JHY: variants seen among roughly 807,000 people sequenced by gnomAD.
JHY encodes jhy protein homolog.
Under a neutral mutation model 78.0 loss-of-function variants are expected in JHY, and 69 were observed. The observed-to-expected ratio is 0.88, with a 90% confidence interval of 0.73 to 1.08. The LOEUF (loss-of-function observed/expected upper bound fraction) is 1.08. Among genes scored for constraint, JHY ranks in the 50% least tolerant of loss-of-function variants. The pLI, the probability that JHY is intolerant of heterozygous loss-of-function variation, is 0.00. For synonymous variants in JHY, 368 were observed against 342.6 expected (o/e 1.07, Z -0.82); for missense variants, 944 against 927.8 (o/e 1.02, Z -0.23).
intron 6 of JHY, among the ~76,000 whole-genome samples, chr11:122,950,921 C>T (rs1864072482): frequency 6.6e-6 from 1 of 152,222 alleles, no homozygotes; most frequent in Non-Finnish European, 1.5e-5. Flanking sequence ...ATGTTACAAT[C>T]TGTATATCCA....
chr11:122,897,767 G>A (rs1341626439), intron 2 of JHY, among the ~76,000 whole-genome samples: 2 of 152,222 alleles, frequency 1.3e-5, no homozygotes, highest in Admixed American at 6.5e-5. Context: ...AGTCATGACT[G>A]TAGAAACTAT....
chr11:122,886,302 G>A (rs970260188), intron 2 of JHY, 109 bp downstream of exon 2: 15 of 1,045,612 alleles, frequency 1.4e-5, no homozygotes, highest in East Asian at 7.8e-5. Context: ...AATGAGCGCC[G>A]TGTGTGAGAC....
chr11:122,905,277 C>T, intron 3 of JHY: 1 of 1,613,134 alleles, frequency 6.2e-7, no homozygotes, highest in Non-Finnish European at 8.5e-7. Flanking sequence ...TCCTGCCCAC[C>T]TCCTATGGAC....
At chr11:122,907,008 G>A (rs1027627655) in intron 3 of JHY, among the ~76,000 whole-genome samples, 2 of 151,740 alleles carry the variant, frequency 1.3e-5, no homozygotes, top group Non-Finnish European at 2.9e-5. Flanking sequence ...TTTTGAGACG[G>A]GATCTTGCTA....
chr11:122,954,997 T>C (rs1431603353), intron 6 of JHY, among the ~76,000 whole-genome samples: 1 of 152,202 alleles, frequency 6.6e-6, no homozygotes, highest in East Asian at 1.9e-4. Context: ...TCCAACCACC[T>C]CTTTTATATC....
intron 2 of JHY, among the ~76,000 whole-genome samples, chr11:122,893,968 C>T (rs776154334): frequency 6.6e-6 from 1 of 152,142 alleles, no homozygotes; most frequent in Non-Finnish European, 1.5e-5. Flanking sequence ...ACTCCATTGC[C>T]TTCTTATGAT....
chr11:122,938,942 G>A (rs1368321245), intron 5 of JHY, among the ~76,000 whole-genome samples: 1 of 151,396 alleles, frequency 6.6e-6, no homozygotes, highest in Non-Finnish European at 1.5e-5. Context: ...AGTTGCCTAG[G>A]TGCACAAAAT....
chr11:122,937,051 T>A (rs1863771578), intron 5 of JHY, among the ~76,000 whole-genome samples: 1 of 152,220 alleles, frequency 6.6e-6, no homozygotes, highest in South Asian at 2.1e-4. Flanking sequence ...ATGCATTTAC[T>A]ATAATCATTA....
intron 6 of JHY, among the ~76,000 whole-genome samples, chr11:122,951,989 A>C (rs962412680): frequency 7.0e-6 from 1 of 142,516 alleles, no homozygotes; most frequent in African/African-American, 2.6e-5. Context: ...TTGTTGATTT[A>C]CTTTTTTTTT....
In JHY at chr11:122,959,457, T is replaced by C. The variant is rs1565342561; in HGVS notation, c.*12T>C. 6.2e-7 allele frequency: 1 copy of C among 1,612,972 alleles called. No individual in the cohort carries two copies. ...TTCACATCGTATAGACAACATTTGA[T>C]AGGAAGGAGACCAAAAATGGTCCAG... On this transcript the variant is annotated 3_prime_UTR_variant, in exon 9 of 9. Transcript: ENST00000227349.
chr11:122,957,275 G>A (rs1864212414), intron 7 of JHY, 88 bp from the exon 8 acceptor site: 17 of 1,407,402 alleles, frequency 1.2e-5, no homozygotes, highest in Non-Finnish European at 1.6e-5. Flanking sequence ...GATACGCCCA[G>A]TATACTGAAA....
At chr11:122,931,173 CA>C (rs1387985774) in intron 4 of JHY, among the ~76,000 whole-genome samples, 1 of 152,164 alleles carries the variant, frequency 6.6e-6, no homozygotes, top group Admixed American at 6.5e-5. Flanking sequence ...AGGGAAGACA[CA>C]AACATTCAAA....
chr11:122,917,240 G>A lies in JHY; in HGVS notation c.865-7657G>A, dbSNP rs558440306. Among the ~76,000 whole-genome samples, 295 of 152,278 alleles carry A rather than the reference G, an allele frequency of 1.9e-3. No individual in the cohort carries two copies. Among genetic ancestry groups the A allele is most frequent in the African/African-American group, 6.7e-3 (277 of 41,554 alleles). On this transcript the variant is annotated intron_variant, in intron 3 of 8. Transcript: ENST00000227349. This position sits in a 1 kb window ranked among gnomAD's most constrained non-coding sequence, Gnocchi z 4.1. ...GTGTACTAGAGAGAGCCTAGCAGCC[G>A]TAAGCATTTAGCTATGGCCTCAGGA...
At chr11:122,956,331 T>G (rs146824905) in intron 6 of JHY, among the ~76,000 whole-genome samples, 165 bp from the exon 7 acceptor site, 56 of 152,266 alleles carry the variant, frequency 3.7e-4, no homozygotes, top group African/African-American at 1.3e-3. Flanking sequence ...ATAACTACCA[T>G]GAAAATGGAA....
intron 2 of JHY, among the ~76,000 whole-genome samples, chr11:122,903,175 A>G (rs1055549592): frequency 9.2e-5 from 14 of 152,206 alleles, no homozygotes; most frequent in Admixed American, 9.2e-4. Context: ...CTTGACCAGA[A>G]CATTGTTAGT....
chr11:122,935,156 A>C lies in JHY; in HGVS notation c.1634+81A>C. The stretch of plus-strand genomic sequence containing the variant: ...AGAAAGACGGGAGAGGAAGAAGGGG[A>C]AGGGGAATCCATAAGGTGGCTAGGT... On this transcript the variant is annotated intron_variant, in intron 5 of 8. Coordinates refer to ENST00000227349, the MANE Select transcript of JHY (RefSeq NM_024806.4). This position sits in a 1 kb window ranked among gnomAD's most constrained non-coding sequence, Gnocchi z 4.5. 7.7e-7 allele frequency: 1 copy of C among 1,303,822 alleles called. No homozygotes were observed. The allele number at this position is 1,303,822 out of a possible 1,614,324, so 80.8% of individuals were successfully genotyped here.
intron 3 of JHY, among the ~76,000 whole-genome samples, chr11:122,907,568 G>A (rs1328078785): frequency 4.6e-5 from 7 of 152,032 alleles, no homozygotes; most frequent in African/African-American, 1.7e-4. Flanking sequence ...TTTTTGACCA[G>A]GTGCGGTGGC....
rs1864309485 is a variant in JHY at position 122,961,267 on chromosome 11, C to T, written c.*1822C>T. Among the ~76,000 whole-genome samples, 1 of 152,090 alleles carries T rather than the reference C, an allele frequency of 6.6e-6. No individual in the cohort carries two copies. The highest frequency in any genetic ancestry group is 2.4e-5 in the African/African-American group (1 of 41,394). On this transcript the variant is annotated 3_prime_UTR_variant, in exon 9 of 9. Transcript: ENST00000227349. ...AATCTATTGGCCAATCAGATGTTTC[C>T]CATCCTTCTTACTCAGCATTTGAGT...
intron 3 of JHY, among the ~76,000 whole-genome samples, chr11:122,923,020 C>T (rs1411688686): frequency 2.0e-5 from 3 of 152,108 alleles, no homozygotes; most frequent in Non-Finnish European, 4.4e-5. Context: ...GACTTGACAG[C>T]ATTTCTAGGC....
Sources: allele counts gnomAD v4.1 joint callset (sites outside exome capture counted in the v4.1 genomes callset), GRCh38; gene constraint gnomAD v4.1.1; non-coding constraint Gnocchi (gnomAD v3.1); transcripts MANE v1.5; gene names NCBI Gene and HGNC (gene_info 2026-07-23, HGNC 2026-07-21).